Variants in DNAH5 observed in about 807,000 individuals in gnomAD.
The protein encoded by DNAH5 is dynein axonemal heavy chain 5, also known as axonemal beta dynein heavy chain 5.
A neutral mutation model predicts 518.2 loss-of-function variants in DNAH5; 372 were observed. The observed-to-expected ratio is 0.72, with a 90% confidence interval of 0.66 to 0.78. The LOEUF (loss-of-function observed/expected upper bound fraction) is 0.78. DNAH5 is among the 30% of genes least tolerant of loss of function. The pLI, the probability that DNAH5 is intolerant of heterozygous loss-of-function variation, is 0.00. For synonymous variants in DNAH5, 2,039 were observed against 2,025.9 expected (o/e 1.01, Z -0.17); for missense variants, 5,523 against 5,687.0 (o/e 0.97, Z 0.93).
At chr5:13,977,481 C>T (rs565869921) in intron 1 of DNAH5, among the ~76,000 whole-genome samples, 33 of 57,104 alleles carry the variant, frequency 5.8e-4, no homozygotes, top group Middle Eastern at 0.012. Flanking sequence ...GTCCAAGATC[C>T]TCTGCTCCCT....
intron 40 of DNAH5, among the ~76,000 whole-genome samples, chr5:13,821,515 G>A (rs541507888): frequency 6.6e-6 from 1 of 152,260 alleles, no homozygotes; most frequent in African/African-American, 2.4e-5. Flanking sequence ...TACAGATAAG[G>A]AACTTGAAGC....
intron 28 of DNAH5, among the ~76,000 whole-genome samples, chr5:13,863,887 C>T (rs141555907): frequency 6.6e-6 from 1 of 152,182 alleles, no homozygotes; most frequent in Non-Finnish European, 1.5e-5. Context: ...TGCCTCCACG[C>T]CTCAGCCACA....
upstream of DNAH5, among the ~76,000 whole-genome samples, chr5:13,948,237 C>T (rs533994324): frequency 1.3e-5 from 2 of 152,320 alleles, no homozygotes; most frequent in South Asian, 4.1e-4. Context: ...AAGAGTCAGA[C>T]CCTACATGTG....
At chr5:13,976,098 G>A (rs1192267624) in intron 1 of DNAH5, among the ~76,000 whole-genome samples, 2 of 152,202 alleles carry the variant, frequency 1.3e-5, no homozygotes, top group African/African-American at 2.4e-5. Context: ...TGAAGTCCAA[G>A]TCCAAGATAA....
At chr5:13,971,113 T>C (rs1472798801) in intron 1 of DNAH5, among the ~76,000 whole-genome samples, 1 of 152,214 alleles carries the variant, frequency 6.6e-6, no homozygotes, top group Non-Finnish European at 1.5e-5. Context: ...CCTCTAACTG[T>C]GTCCTTCATT....
In DNAH5 at chr5:13,718,959, G is replaced by A; in HGVS notation, c.12422C>T (p.Thr4141Ile). 6.2e-7 allele frequency: 1 copy of A among 1,614,146 alleles called. No homozygotes were observed. Among genetic ancestry groups the A allele is most frequent in the Non-Finnish European group, 8.5e-7 (1 of 1,179,988 alleles). The change falls in exon 72 of 79, where the codon ACA (threonine) becomes ATA (isoleucine). Residue 4141 changes from threonine (T) to isoleucine (I), a missense_variant. By Grantham distance (89) the Thr-to-Ile change is moderately conservative. Coordinates refer to ENST00000265104, the MANE Select transcript of DNAH5 (RefSeq NM_001369.3). ...AAATTTAATGGACATCTGAAGGAGTGTAATGGGAAACTGCTTATGAGCCTC... is the reference window on the plus strand; with the variant it reads ...AAATTTAATGGACATCTGAAGGAGTATAATGGGAAACTGCTTATGAGCCTC... ...TTEAHKQFPI[T>I]LLQMSIKFAN... is the part of the protein sequence containing the mutation.
chr5:13,867,045 T>C (rs1320862740), intron 25 of DNAH5, among the ~76,000 whole-genome samples: 1 of 152,220 alleles, frequency 6.6e-6, no homozygotes, highest in African/African-American at 2.4e-5. Flanking sequence ...GTTATTTGTG[T>C]AACCAAGGAA....
intron 54 of DNAH5, 107 bp downstream of exon 54, chr5:13,777,094 CA>C (rs779062600): frequency 2.0e-5 from 21 of 1,051,680 alleles, no homozygotes; most frequent in Non-Finnish European, 3.0e-5. Flanking sequence ...ACTTAATACC[CA>C]TCCCCAATAG....
chr5:13,738,608 G>A (rs1451992533), intron 65 of DNAH5, among the ~76,000 whole-genome samples: 1 of 152,170 alleles, frequency 6.6e-6, no homozygotes, highest in Non-Finnish European at 1.5e-5. Context: ...CCTCTTGGCA[G>A]CTTGGAGAGG....
At position 13,770,872 on chromosome 5, in the gene DNAH5, A is replaced by T. The variant is rs376503510; in HGVS notation, c.9482T>A (p.Val3161Asp). Reference sequence around the variant, plus strand: ...ACGTCGGAATCTCTGAAAATAATCAACACACTTCTCAGCCACCCCATCCTG... The same window carrying T: ...ACGTCGGAATCTCTGAAAATAATCATCACACTTCTCAGCCACCCCATCCTG... ...SFQDGVAEKC[V>D]DYFQRFRRST... Residue 3161 changes from valine to aspartate, a missense_variant, in exon 56 of 79, where the codon GTT becomes GAT. This residue lies in a region of DNAH5 where 5,121 missense variants were observed against 5,223.3 expected (regional missense o/e 0.98). Transcript: ENST00000265104. The T allele has an allele frequency of 1.9e-6, 3 of 1,613,860 alleles. No individual in the cohort carries two copies. In the African/African-American group the frequency reaches 4.0e-5, roughly 22 times the overall value.
intron 49 of DNAH5, among the ~76,000 whole-genome samples, chr5:13,793,014 T>C (rs2126906063): frequency 6.6e-6 from 1 of 152,368 alleles, no homozygotes; most frequent in South Asian, 2.1e-4. Context: ...ATCTATGAAA[T>C]ACTACATATT....
rs936169293 is a variant in DNAH5 at position 13,691,703 on chromosome 5, A to G, written c.*281T>C. ...AGTCAGTCTTCGGAGCGAAGTAAGA[A>G]GAAAATATACTACTGTGGATTTGAG... On this transcript the variant is annotated 3_prime_UTR_variant, in exon 79 of 79. Transcript: ENST00000265104. 40 of 412,986 alleles carry G rather than the reference A, an allele frequency of 9.7e-5. 1 individual carries two copies. Among genetic ancestry groups the G allele is most frequent in the Middle Eastern group, 7.1e-4 (1 of 1,416 alleles). The allele number at this position is 412,986 out of a possible 1,614,324, so 25.6% of individuals were successfully genotyped here.
chr5:13,806,815 C>T (rs966935548), intron 47 of DNAH5, among the ~76,000 whole-genome samples: 1 of 151,826 alleles, frequency 6.6e-6, no homozygotes, highest in African/African-American at 2.4e-5. Context: ...AAAAAATAAA[C>T]AACGCAAACT....
At chr5:13,692,952 A>AT (rs2126340681) in intron 78 of DNAH5, among the ~76,000 whole-genome samples, 1 of 152,306 alleles carries the variant, frequency 6.6e-6, no homozygotes, top group African/African-American at 2.4e-5. Context: ...AAATTTATAA[A>AT]TAAAAAAGTA....
chr5:13,776,086 C>G lies in DNAH5; in HGVS notation c.9373+353G>C, dbSNP rs549484333. Among the ~76,000 whole-genome samples the G allele has an allele frequency of 6.6e-5, 10 of 152,072 alleles. No individual in the cohort carries two copies. In the East Asian group the frequency reaches 1.9e-3, roughly 29 times the overall value. ...ACTAATGGTCCATGGCATGGAAGAT[C>G]AGAAAGAAGCAGAAGCAGCAAAGGG... On this transcript the variant is annotated intron_variant, in intron 55 of 78. Transcript: ENST00000265104.
chr5:13,948,436 T>C (rs1454950439), upstream of DNAH5, among the ~76,000 whole-genome samples: 1 of 152,146 alleles, frequency 6.6e-6, no homozygotes, highest in Non-Finnish European at 1.5e-5. Flanking sequence ...CATCTGATAA[T>C]GGATTAGGTC....
Position 13,876,676 on chromosome 5 carries a change from T to C in DNAH5, c.3396+8A>G. ...AAAAGGTCCGGCTGCCAGACCCTCT[T>C]GACATACCTTTTTGGTGGAGTTGAT... On this transcript the variant is annotated splice_region_variant and intron_variant, in intron 22 of 78. Transcript: ENST00000265104. The C allele has an allele frequency of 6.2e-7, 1 of 1,613,102 alleles. No individual in the cohort carries two copies.
At position 13,904,535 on chromosome 5, in the gene DNAH5, TTA is replaced by T. The variant is rs1421344893; in HGVS notation, c.1645-2399_1645-2398del. On this transcript the variant is annotated intron_variant, in intron 12 of 78. Coordinates refer to ENST00000265104, the MANE Select transcript of DNAH5 (RefSeq NM_001369.3). Reference sequence around the variant, plus strand: ...TATATATGGATTCTATGTATGTGGATTATGTGTGTGTGTGTGTTTGTATTATA... The same window carrying T: ...TATATATGGATTCTATGTATGTGGATTGTGTGTGTGTGTGTTTGTATTATA... Among the ~76,000 whole-genome samples, 8 of 150,006 alleles carry T rather than the reference TTA, an allele frequency of 5.3e-5. No individual in the cohort carries two copies. In the South Asian group the frequency reaches 1.0e-3, roughly 20 times the overall value.
intron 16 of DNAH5, among the ~76,000 whole-genome samples, chr5:13,894,194 G>A (rs561376364): frequency 5.3e-5 from 8 of 152,074 alleles, no homozygotes; most frequent in Non-Finnish European, 8.8e-5. Flanking sequence ...CCAGAAAAGC[G>A]CATTTTATGG....
Sources: allele counts gnomAD v4.1 joint callset (sites outside exome capture counted in the v4.1 genomes callset), GRCh38; gene constraint gnomAD v4.1.1; regional missense constraint gnomAD v4.1.1; transcripts MANE v1.5; gene names NCBI Gene and HGNC (gene_info 2026-07-23, HGNC 2026-07-21).